Variants in ASPH observed in about 807,000 individuals in gnomAD.
ASPH encodes aspartyl/asparaginyl beta-hydroxylase.
Under a neutral mutation model 118.4 loss-of-function variants are expected in ASPH, and 100 were observed. That is an observed-to-expected ratio of 0.84 (90% CI 0.72 to 1.00). The LOEUF is 1.00. ASPH is among the 50% of genes least tolerant of loss of function. ASPH has a pLI of 0.00. For missense variants in ASPH, 920 were observed against 919.5 expected (o/e 1.00, Z -0.01); for synonymous variants, 315 against 325.6 (o/e 0.97, Z 0.35).
At chr8:61,663,921 G>A (rs1818199918) in intron 3 of ASPH, 1 of 901,978 alleles carries the variant, frequency 1.1e-6, no homozygotes, top group Non-Finnish European at 1.3e-6. Flanking sequence ...ACTCATTTCT[G>A]AGTTGAAATA....
chr8:61,586,548 T>G (rs1213757987), intron 14 of ASPH, among the ~76,000 whole-genome samples: 1 of 152,196 alleles, frequency 6.6e-6, no homozygotes, highest in Non-Finnish European at 1.5e-5. Context: ...CACTACTGTC[T>G]TTTTAGCACT....
At chr8:61,631,173 A>T (rs1855421576) in intron 13 of ASPH, among the ~76,000 whole-genome samples, 1 of 152,160 alleles carries the variant, frequency 6.6e-6, no homozygotes, top group Non-Finnish European at 1.5e-5. Flanking sequence ...TTACAAATTT[A>T]AAAAAATTAC....
intron 3 of ASPH, among the ~76,000 whole-genome samples, chr8:61,679,209 T>C (rs930149122): frequency 6.6e-6 from 1 of 152,174 alleles, no homozygotes; most frequent in Non-Finnish European, 1.5e-5. Context: ...AAAGTATTTA[T>C]GTAGCTTTAT....
intron 3 of ASPH, among the ~76,000 whole-genome samples, chr8:61,677,048 T>C (rs975486927): frequency 6.6e-6 from 1 of 152,124 alleles, no homozygotes. Context: ...AAGAGTCAGC[T>C]ATTAATAATA....
rs1008811312 is a variant in ASPH, at chr8:61,689,739, A to T, written c.104-5551T>A. The T allele has an allele frequency of 3.2e-6, 5 of 1,546,758 alleles. No individual in the cohort carries two copies. The African/African-American group carries it at 5.6e-5, about 17-fold the overall frequency. ...TAAATGCTAAAGTAAAACAAAACAA[A>T]AAAAAAAACTCAAAAGTACTGCTGG... is the stretch of plus-strand genomic sequence containing the variant. On this transcript the variant is annotated intron_variant, in intron 1 of 24. Transcript: ENST00000379454.
intron 1 of ASPH, among the ~76,000 whole-genome samples, chr8:61,690,941 A>G (rs969726046): frequency 6.6e-6 from 1 of 152,228 alleles, no homozygotes; most frequent in African/African-American, 2.4e-5. Context: ...ACTGAAACAC[A>G]TATATTCAAA....
At chr8:61,613,223 T>C (rs1477841819) in intron 14 of ASPH, among the ~76,000 whole-genome samples, 1 of 152,204 alleles carries the variant, frequency 6.6e-6, no homozygotes, top group Non-Finnish European at 1.5e-5. Context: ...TTACTCTCCA[T>C]AATATGAGTA....
At chr8:61,663,840 T>C in intron 3 of ASPH, 1 of 981,056 alleles carries the variant, frequency 1.0e-6, no homozygotes, top group Non-Finnish European at 1.2e-6. Context: ...AGTATTTGAC[T>C]TTAAATAGTA....
intron 21 of ASPH, among the ~76,000 whole-genome samples, chr8:61,543,577 T>G (rs940802577): frequency 8.5e-5 from 13 of 152,228 alleles, no homozygotes; most frequent in African/African-American, 2.9e-4. Flanking sequence ...ATACTGACGA[T>G]AGCTGACTTG....
intron 3 of ASPH, 52 bp downstream of exon 3, chr8:61,680,916 T>C (rs1256578926): frequency 4.1e-6 from 6 of 1,463,134 alleles, no homozygotes; most frequent in Non-Finnish European, 5.6e-6. Context: ...GCAAAAATAA[T>C]TGTTTCCAGC....
intron 14 of ASPH, among the ~76,000 whole-genome samples, chr8:61,602,794 A>G (rs1844419821): frequency 6.8e-6 from 1 of 146,510 alleles, no homozygotes; most frequent in African/African-American, 2.8e-5. Context: ...AAAACTTATC[A>G]AACTGTATGC....
chr8:61,635,131 A>C (rs1857175931), intron 12 of ASPH, among the ~76,000 whole-genome samples: 1 of 152,086 alleles, frequency 6.6e-6, no homozygotes, highest in Non-Finnish European at 1.5e-5. Flanking sequence ...GATCACTCAC[A>C]ATCTCTACGT....
chr8:61,614,660 G>A (rs1190992275), intron 14 of ASPH, among the ~76,000 whole-genome samples: 1 of 152,020 alleles, frequency 6.6e-6, no homozygotes, highest in Non-Finnish European at 1.5e-5. Context: ...TGTTGTTGTT[G>A]TTGTTGTTGT....
Position 61,684,179 on chromosome 8 carries a change from T to G in ASPH, c.113A>C (p.His38Pro), listed in dbSNP as rs762430211. The change falls in exon 2 of 25, where the codon CAT (histidine) becomes CCT (proline). Residue 38 changes from histidine to proline, a missense_variant. Physicochemically the swap from His to Pro is moderately conservative, Grantham distance 77. Transcript: ENST00000379454. ...SSPGARRETK[H>P]GGHKNGRKGG... The stretch of plus-strand genomic sequence containing the variant: ...TTTCCTCCCATTCTTGTGTCCTCCA[T>G]GCTTTGTCTCTGTTTAGAAATAAAT... 1 of 1,611,910 alleles carries G rather than the reference T, an allele frequency of 6.2e-7. No homozygotes were observed. Among genetic ancestry groups the G allele is most frequent in the Non-Finnish European group, 8.5e-7 (1 of 1,178,956 alleles).
At chr8:61,630,500 A>G (rs561546676) in intron 13 of ASPH, among the ~76,000 whole-genome samples, 1 of 152,336 alleles carries the variant, frequency 6.6e-6, no homozygotes, top group African/African-American at 2.4e-5. Context: ...AACCAAGTGC[A>G]ATGGTTAAAA....
chr8:61,698,677 C>T (rs189681712), intron 1 of ASPH, among the ~76,000 whole-genome samples: 2 of 152,044 alleles, frequency 1.3e-5, no homozygotes, highest in Admixed American at 6.5e-5. Flanking sequence ...TTCCTGTGAC[C>T]GGCACCCATC....
chr8:61,569,870 C>T (rs1387296612), intron 16 of ASPH, among the ~76,000 whole-genome samples: 1 of 152,196 alleles, frequency 6.6e-6, no homozygotes, highest in Non-Finnish European at 1.5e-5. Flanking sequence ...GATCATGATG[C>T]TGGCATGGCC....
rs1805221690 is a variant in ASPH, at chr8:61,503,179, T to C, written c.*180A>G. The stretch of plus-strand genomic sequence containing the variant: ...CACAGCAGGGTGTTTCCTAAATGAA[T>C]TGCAGCGAGGCAAATATTCCCTTTA... On this transcript the variant is annotated 3_prime_UTR_variant, in exon 25 of 25. Transcript: ENST00000379454. 1 of 582,322 alleles carries C rather than the reference T, an allele frequency of 1.7e-6. No homozygotes were observed. Among genetic ancestry groups the C allele is most frequent in the East Asian group, 3.4e-5 (1 of 29,744 alleles). 36.1% of individuals were successfully genotyped at this position (582,322 alleles called of 1,614,324 possible). A position where few individuals can be genotyped will look rare whatever the true frequency, so the allele number is the denominator to read the frequency against.
At chr8:61,665,473 G>A (rs752690697) in intron 3 of ASPH, 1 of 1,569,950 alleles carries the variant, frequency 6.4e-7, no homozygotes, top group East Asian at 2.4e-5. Context: ...TCCTGGATAG[G>A]TCTGCATCAG....
Sources: allele counts gnomAD v4.1 joint callset (sites outside exome capture counted in the v4.1 genomes callset), GRCh38; gene constraint gnomAD v4.1.1; transcripts MANE v1.5; gene names NCBI Gene and HGNC (gene_info 2026-07-23, HGNC 2026-07-21).